Variants in COMMD1 observed in about 807,000 individuals in gnomAD.
The protein encoded by COMMD1 is copper metabolism domain containing 1.
Under a neutral mutation model 17.2 loss-of-function variants are expected in COMMD1, and 10 were observed. The ratio of observed to expected loss-of-function variants is 0.58; its 90% CI spans 0.36 to 0.99. The LOEUF is 0.99. COMMD1 is among the 50% of genes least tolerant of loss of function. The pLI is 0.01. For synonymous variants in COMMD1, 97 were observed against 91.6 expected, an observed-to-expected ratio of 1.06 and a Z score of -0.34; for missense variants, 270 against 231.8, an observed-to-expected ratio of 1.17 and a Z score of -1.07.
At chr2:62,105,647 A>C (rs1452950921) in intron 2 of COMMD1, among the ~76,000 whole-genome samples, 1 of 152,076 alleles carries the variant, frequency 6.6e-6, no homozygotes, top group African/African-American at 2.4e-5. Flanking sequence ...AACATGGCAA[A>C]CCCCCGTGTC....
chr2:62,025,943 C>T (rs1296674451), intron 2 of COMMD1, among the ~76,000 whole-genome samples: 1 of 152,124 alleles, frequency 6.6e-6, no homozygotes, highest in Non-Finnish European at 1.5e-5. Context: ...ATCTGCCTGC[C>T]TTGGCCTCCC....
chr2:62,084,213 C>G (rs1482048536), intron 2 of COMMD1, among the ~76,000 whole-genome samples: 4 of 152,076 alleles, frequency 2.6e-5, no homozygotes, highest in Admixed American at 2.6e-4. Context: ...CACCAACTCC[C>G]CCACGCCCAG....
chr2:62,083,148 A>G (rs1671572414), intron 2 of COMMD1, among the ~76,000 whole-genome samples: 1 of 152,076 alleles, frequency 6.6e-6, no homozygotes, highest in East Asian at 1.9e-4. Context: ...AGTCCCATCT[A>G]CTCGACATAA....
At chr2:61,938,386 G>A (rs1410606830) in intron 1 of COMMD1, among the ~76,000 whole-genome samples, 10 of 152,078 alleles carry the variant, frequency 6.6e-5, no homozygotes, top group African/African-American at 1.7e-4. Context: ...AATACATTGC[G>A]TGTGTTCAGT....
At chr2:61,966,932 A>T (rs1671520249) in intron 1 of COMMD1, among the ~76,000 whole-genome samples, 1 of 152,124 alleles carries the variant, frequency 6.6e-6, no homozygotes, top group African/African-American at 2.4e-5. Context: ...TTTACCGTCA[A>T]CTTGAAGTAT....
At chr2:62,082,628 G>C (rs1573160791) in intron 2 of COMMD1, among the ~76,000 whole-genome samples, 1 of 152,192 alleles carries the variant, frequency 6.6e-6, no homozygotes, top group Non-Finnish European at 1.5e-5. Flanking sequence ...TTGGGAGGCC[G>C]AGGCAGGCGG....
chr2:61,905,455 CAA>C (rs1669744947), upstream of COMMD1, among the ~76,000 whole-genome samples: 1 of 152,196 alleles, frequency 6.6e-6, no homozygotes, highest in Non-Finnish European at 1.5e-5. Flanking sequence ...TCAGGGGAAG[CAA>C]AGTGACCCTA....
chr2:61,995,098 A>ATT (rs35882343), intron 1 of COMMD1, among the ~76,000 whole-genome samples: 18,666 of 151,750 alleles, frequency 0.12, 2,768 homozygotes, highest in African/African-American at 0.35. Flanking sequence ...TCAGCTTAAA[A>ATT]TTTTTTTTTC....
At chr2:61,961,574 G>A (rs1671345167) in intron 1 of COMMD1, among the ~76,000 whole-genome samples, 2 of 152,128 alleles carry the variant, frequency 1.3e-5, no homozygotes, top group South Asian at 4.1e-4. Flanking sequence ...TGAAAAAGAA[G>A]TTTCCCATTT....
intron 2 of COMMD1, among the ~76,000 whole-genome samples, chr2:62,083,729 A>C (rs573020142): frequency 2.6e-5 from 4 of 152,352 alleles, no homozygotes; most frequent in African/African-American, 9.6e-5. Flanking sequence ...TTTTTTAACA[A>C]GTTTTGCCCA....
chr2:62,135,657 C>G (rs1673174742), intron 2 of COMMD1, among the ~76,000 whole-genome samples, 174 bp from the exon 3 acceptor site: 1 of 152,146 alleles, frequency 6.6e-6, no homozygotes, highest in African/African-American at 2.4e-5. Context: ...GGCATAAAAG[C>G]ACTTTTATTT....
At chr2:62,086,950 A>G (rs1281481848) in intron 2 of COMMD1, among the ~76,000 whole-genome samples, 4 of 151,672 alleles carry the variant, frequency 2.6e-5, no homozygotes, top group Non-Finnish European at 5.9e-5. Flanking sequence ...CTGCCTCTCA[A>G]GTAGCTGGGA....
At chr2:61,922,269 T>C (rs1000476332) in intron 1 of COMMD1, among the ~76,000 whole-genome samples, 1 of 152,178 alleles carries the variant, frequency 6.6e-6, no homozygotes, top group Non-Finnish European at 1.5e-5. Context: ...AATCTGGTTT[T>C]GAAGATTGTG....
chr2:61,927,560 C>T (rs1438459461), intron 1 of COMMD1, among the ~76,000 whole-genome samples: 1 of 152,044 alleles, frequency 6.6e-6, no homozygotes, highest in Non-Finnish European at 1.5e-5. Flanking sequence ...CCATGCCCGG[C>T]TAATTTTTTT....
At chr2:62,041,863 T>C (rs1573105700) in intron 2 of COMMD1, among the ~76,000 whole-genome samples, 1 of 152,230 alleles carries the variant, frequency 6.6e-6, no homozygotes, top group Non-Finnish European at 1.5e-5. Flanking sequence ...TTGCTGTGAG[T>C]GTTGCAGCTC....
chr2:61,921,686 A>G (rs1572964295), intron 1 of COMMD1, among the ~76,000 whole-genome samples: 1 of 152,040 alleles, frequency 6.6e-6, no homozygotes, highest in Non-Finnish European at 1.5e-5. Context: ...CTTGTGATCC[A>G]CCCGCCTTGG....
intron 2 of COMMD1, among the ~76,000 whole-genome samples, chr2:62,085,976 TCAAAACAAAA>T (rs1184453505): frequency 1.3e-5 from 2 of 151,348 alleles, no homozygotes; most frequent in Non-Finnish European, 2.9e-5. Flanking sequence ...AGACTCTGTC[TCAAAACAAAA>T]CAAAACAAAA....
chr2:62,078,409 C>T (rs1277342112), intron 2 of COMMD1, among the ~76,000 whole-genome samples: 4 of 126,730 alleles, frequency 3.2e-5, no homozygotes, highest in Non-Finnish European at 4.9e-5. Context: ...AAAAATTAGC[C>T]GGGCATGGTG....
At chr2:62,084,348 T>C (rs942331426) in intron 2 of COMMD1, among the ~76,000 whole-genome samples, 1 of 152,200 alleles carries the variant, frequency 6.6e-6, no homozygotes, top group Non-Finnish European at 1.5e-5. Flanking sequence ...TTATGTATTA[T>C]GTATTATATA....
Sources: allele counts gnomAD v4.1 joint callset (sites outside exome capture counted in the v4.1 genomes callset), GRCh38; gene constraint gnomAD v4.1.1; transcripts MANE v1.5; gene names NCBI Gene and HGNC (gene_info 2026-07-23, HGNC 2026-07-21).